LGI4: variants seen among roughly 807,000 people sequenced by gnomAD.
The protein encoded by LGI4 is leucine-rich repeat LGI family member 4.
In LGI4, 36 loss-of-function variants were observed where a neutral mutation model predicts 48.3. That is an observed-to-expected ratio of 0.75 (90% confidence interval 0.57 to 0.98). LGI4 has a LOEUF of 0.98. LGI4 is among the 50% of genes least tolerant of loss of function. LGI4 has a pLI of 0.00. For missense variants in LGI4, 701 were observed against 732.1 expected, an observed-to-expected ratio of 0.96 and a Z score of 0.49; for synonymous variants, 355 against 331.6, an observed-to-expected ratio of 1.07 and a Z score of -0.77.
chr19:35,131,623 C>A, intron 5 of LGI4, 68 bp from the exon 6 acceptor site: 2 of 1,512,326 alleles, frequency 1.3e-6, no homozygotes, highest in Non-Finnish European at 1.8e-6. Flanking sequence ...CTCCTGCCCC[C>A]ACCTCAGGCA....
At position 35,125,154 on chromosome 19, in the gene LGI4, C is replaced by A; in HGVS notation, c.*39G>T. The A allele has an allele frequency of 6.7e-7, 1 of 1,494,848 alleles. No homozygotes were observed. Among genetic ancestry groups the A allele is most frequent in the Non-Finnish European group, 8.9e-7 (1 of 1,118,258 alleles). The allele number at this position is 1,494,848 out of a possible 1,614,324, so 92.6% of individuals were successfully genotyped here. ...GGCCAGGAGCCAGCCAAGGGGCCGT[C>A]CAGGGGCCCCAGCCATGCCCAGAGT... On this transcript the variant is annotated 3_prime_UTR_variant, in exon 9 of 9. Coordinates refer to ENST00000310123, the MANE Select transcript of LGI4 (RefSeq NM_139284.3).
chr19:35,127,505 A>G (rs2065148436), intron 6 of LGI4, among the ~76,000 whole-genome samples: 1 of 151,974 alleles, frequency 6.6e-6, no homozygotes, highest in African/African-American at 2.4e-5. Context: ...CTACTTCCTC[A>G]GCCTCCCGAG....
rs2065123740 is a variant in LGI4, at chr19:35,125,300, G to A, written c.1507C>T (p.Arg503Cys). The change falls in exon 9 of 9, where the codon CGT becomes TGT. Residue 503 changes from arginine to cysteine, a missense_variant. This residue lies in a region of LGI4 where 223 missense variants were observed against 263.3 expected (regional missense o/e 0.85). Coordinates refer to ENST00000310123, the MANE Select transcript of LGI4 (RefSeq NM_139284.3). ...GCCATAGTGATGTGGGCAAAGGCAC[G>A]GGGGGCCACCAGGGCCGGAGGCCCC... The part of the protein sequence containing the change: ...ELGPPALVAP[R>C]AFAHITMAGR... The A allele has an allele frequency of 6.2e-6, 10 of 1,610,536 alleles. No individual in the cohort carries two copies. Among genetic ancestry groups the A allele is most frequent in the Non-Finnish European group, 8.5e-6 (10 of 1,177,846 alleles).
At position 35,124,903 on chromosome 19, in the gene LGI4, C is replaced by A; in HGVS notation, c.*290G>T. The A allele has an allele frequency of 3.3e-6, 1 of 303,364 alleles. No homozygotes were observed. The highest frequency in any genetic ancestry group is 6.1e-6 in the Non-Finnish European group (1 of 164,326). 18.8% of individuals were successfully genotyped at this position (303,364 alleles called of 1,614,324 possible). A position where few individuals can be genotyped will look rare whatever the true frequency, so the allele number is the denominator to read the frequency against. ...CTCCACCTCGACTCCATGCAGTGCA[C>A]CAGCCTGCACCCCCCAGGTTGCCTT... On this transcript the variant is annotated 3_prime_UTR_variant, in exon 9 of 9. Transcript: ENST00000310123.
chr19:35,134,198 C>A, intron 1 of LGI4, 94 bp from the exon 2 acceptor site: 1 of 1,140,574 alleles, frequency 8.8e-7, no homozygotes, highest in Non-Finnish European at 1.3e-6. Flanking sequence ...CCCCAGCGTG[C>A]CACCCTGACC....
chr19:35,126,446 G>A lies in LGI4; in HGVS notation c.1123C>T (p.Arg375Trp), dbSNP rs1011926246. ...TDAEALELDG[R>W]PHLLLASASQ... is the part of the protein sequence containing the mutation. Reference sequence around the variant, plus strand: ...GCCGAGGCCAGCAGCAGGTGGGGCCGGCCGTCCAGCTCCAGGGCCTCAGCG... The same window carrying A: ...GCCGAGGCCAGCAGCAGGTGGGGCCAGCCGTCCAGCTCCAGGGCCTCAGCG... The change falls in exon 8 of 9, where the codon CGG (arginine) becomes TGG (tryptophan). Residue 375 changes from arginine (R) to tryptophan (W), a missense_variant. Around this residue, in one of 3 missense-constraint regions of LGI4, gnomAD observed 223 missense variants for 263.3 expected, o/e 0.85. Coordinates refer to ENST00000310123, the MANE Select transcript of LGI4 (RefSeq NM_139284.3). The A allele has an allele frequency of 2.1e-5, 33 of 1,592,164 alleles. No homozygotes were observed. The East Asian group carries it at 3.4e-4, about 16-fold the overall frequency.
rs966854896 is a variant in LGI4 at position 35,124,524 on chromosome 19, G to A, written c.*669C>T. 8.5e-5 allele frequency: 13 copies of A among 152,258 alleles called. No individual in the cohort carries two copies. Among genetic ancestry groups the A allele is most frequent in the African/African-American group, 2.7e-4 (11 of 41,460 alleles). The allele number at this position is 152,258 out of a possible 1,614,324, so 9.4% of individuals were successfully genotyped here. A position where few individuals can be genotyped will look rare whatever the true frequency, so the allele number is the denominator to read the frequency against. On this transcript the variant is annotated 3_prime_UTR_variant, in exon 9 of 9. Coordinates refer to ENST00000310123, the MANE Select transcript of LGI4 (RefSeq NM_139284.3). Reference sequence around the variant, plus strand: ...CAACACTGGGCGGGGAGGGTGCACAGCGCATTTATTGAGCTCGGACTCGTC... The same window carrying A: ...CAACACTGGGCGGGGAGGGTGCACAACGCATTTATTGAGCTCGGACTCGTC...
In LGI4 at chr19:35,125,148, G is replaced by A. The variant is rs775567514; in HGVS notation, c.*45C>T. 11 of 1,484,066 alleles carry A rather than the reference G, an allele frequency of 7.4e-6. No individual in the cohort carries two copies. Among genetic ancestry groups the A allele is most frequent in the Non-Finnish European group, 9.9e-6 (11 of 1,109,726 alleles). 91.9% of individuals were successfully genotyped at this position (1,484,066 alleles called of 1,614,324 possible). ...AAGTAGGGCCAGGAGCCAGCCAAGG[G>A]GCCGTCCAGGGGCCCCAGCCATGCC... On this transcript the variant is annotated 3_prime_UTR_variant, in exon 9 of 9. Coordinates refer to ENST00000310123, the MANE Select transcript of LGI4 (RefSeq NM_139284.3).
In LGI4 at chr19:35,126,499, C is replaced by T. The variant is rs2145359034; in HGVS notation, c.1070G>A (p.Ser357Asn). Reference protein sequence around the residue: ...RDGPGFYPHQSLHAWHRDTDA... With the variant: ...RDGPGFYPHQNLHAWHRDTDA... The stretch of plus-strand genomic sequence containing the variant: ...CGTGTCCCGGTGCCAGGCGTGCAGG[C>T]TCTGGTGCGGGTAAAAGCCGGGCCC... The change falls in exon 8 of 9, where the codon AGC becomes AAC. Residue 357 changes from serine (S) to asparagine (N), a missense_variant. By Grantham distance (46) the Ser-to-Asn change is conservative. Coordinates refer to ENST00000310123, the MANE Select transcript of LGI4 (RefSeq NM_139284.3). The T allele has an allele frequency of 6.4e-7, 1 of 1,555,382 alleles. No individual in the cohort carries two copies. The highest frequency in any genetic ancestry group is 8.7e-7 in the Non-Finnish European group (1 of 1,154,880).
In LGI4 at chr19:35,134,014, C is replaced by T; in HGVS notation, c.242+19G>A. On this transcript the variant is annotated intron_variant, in intron 2 of 8. Transcript: ENST00000310123. ...ACACTCCCTTGAGCTGGTTGTCGGC[C>T]CAGCCAGGCCCCACTCACAGCAGGT... 1 of 1,554,668 alleles carries T rather than the reference C, an allele frequency of 6.4e-7. No homozygotes were observed. Among genetic ancestry groups the T allele is most frequent in the Non-Finnish European group, 8.7e-7 (1 of 1,148,524 alleles).
At chr19:35,126,048 T>G in intron 8 of LGI4, 21 of 594,404 alleles carry the variant, frequency 3.5e-5, no homozygotes, top group Non-Finnish European at 3.3e-5. Context: ...AGAGCCAGCA[T>G]TTGGGGGTAG....
rs146978285 is a variant in LGI4, at chr19:35,126,060, A to G, written c.1299+210T>C. On this transcript the variant is annotated intron_variant, in intron 8 of 8. Coordinates refer to ENST00000310123, the MANE Select transcript of LGI4 (RefSeq NM_139284.3). ...CACAGAGCCAGCATTTGGGGGTAGAATCAGGATGTTGGGGCCAGCATCAGT... is the reference window on the plus strand; with the variant it reads ...CACAGAGCCAGCATTTGGGGGTAGAGTCAGGATGTTGGGGCCAGCATCAGT... 57 of 612,322 alleles carry G rather than the reference A, an allele frequency of 9.3e-5. No homozygotes were observed. The African/African-American group carries it at 1.0e-3, about 11-fold the overall frequency. 37.9% of individuals were successfully genotyped at this position (612,322 alleles called of 1,614,324 possible).
rs996367538 is a variant in LGI4 at position 35,131,843 on chromosome 19, T to C, written c.404A>G (p.His135Arg). 1.3e-6 allele frequency: 2 copies of C among 1,574,330 alleles called. No individual in the cohort carries two copies. Among genetic ancestry groups the C allele is most frequent in the Non-Finnish European group, 1.7e-6 (2 of 1,159,752 alleles). Residue 135 changes from histidine to arginine, a missense_variant, in exon 5 of 9, where the codon CAT (histidine) becomes CGT (arginine). Transcript: ENST00000310123. ...CAGGAATCTGGGGAGGGTCTCCAGA[T>C]GGTTATTGGCCAGGCTTCTGGTGGA... Reference protein sequence around the residue: ...SLTHLSLANNHLETLPRFLFR... With the variant: ...SLTHLSLANNRLETLPRFLFR...
Position 35,126,292 on chromosome 19 carries a change from G to T in LGI4, c.1277C>A (p.Thr426Lys). 1 of 1,612,078 alleles carries T rather than the reference G, an allele frequency of 6.2e-7. No individual in the cohort carries two copies. Among genetic ancestry groups the T allele is most frequent in the Non-Finnish European group, 8.5e-7 (1 of 1,179,584 alleles). ...CACCATGGAGTCCCCAATGTAGCGT[G>T]TGAGGCACAGGAACACGTCCCCACC... ...QAGGDVFLCL[T>K]RYIGDSMVMR... Residue 426 changes from threonine (T) to lysine (K), a missense_variant, in exon 8 of 9, where the codon ACA (threonine) becomes AAA (lysine). Transcript: ENST00000310123.
At chr19:35,133,097 C>A (rs1160671959) in intron 3 of LGI4, among the ~76,000 whole-genome samples, 5 of 152,164 alleles carry the variant, frequency 3.3e-5, no homozygotes, top group African/African-American at 1.2e-4. Context: ...ACTGGGGCTA[C>A]CATTTTTACC....
chr19:35,129,885 A>C (rs2145364536), intron 6 of LGI4, among the ~76,000 whole-genome samples: 1 of 152,030 alleles, frequency 6.6e-6, no homozygotes, highest in Middle Eastern at 3.4e-3. Flanking sequence ...TCTCGGTGTA[A>C]AACCCGATCG....
chr19:35,131,247 G>A, intron 6 of LGI4, 139 bp downstream of exon 6: 1 of 1,006,234 alleles, frequency 9.9e-7, no homozygotes, highest in African/African-American at 1.6e-5. Context: ...AGAAAACTGG[G>A]GCTCAGGAAG....
At chr19:35,132,377 TTA>T (rs2065181724) in intron 3 of LGI4, among the ~76,000 whole-genome samples, 1 of 149,488 alleles carries the variant, frequency 6.7e-6, no homozygotes, top group East Asian at 2.0e-4. Flanking sequence ...ACCCATGTCT[TTA>T]TCACTGTCAT....
At chr19:35,126,037 C>T in intron 8 of LGI4, 2 of 597,604 alleles carry the variant, frequency 3.3e-6, no homozygotes, top group Non-Finnish European at 6.0e-6. Flanking sequence ...ATCCGAGTCA[C>T]AGAGCCAGCA....
Sources: gnomAD v4.1 joint callset for allele counts (sites outside exome capture counted in the v4.1 genomes callset) on GRCh38, gnomAD v4.1.1 for gene constraint, gnomAD v4.1.1 regional missense constraint, MANE v1.5 for transcripts, NCBI Gene and HGNC (gene_info 2026-07-23, HGNC 2026-07-21) for gene names.